The following CHST11 variants were observed in gnomAD, a reference collection of about 807,000 sequenced individuals.
CHST11 encodes the protein carbohydrate sulfotransferase 11.
In CHST11, 9 loss-of-function variants were observed where a neutral mutation model predicts 30.4. The observed-to-expected ratio is 0.30, with a 90% confidence interval of 0.18 to 0.52. CHST11 has a LOEUF of 0.52. Ranked by LOEUF, CHST11 falls within the 20% of genes least tolerant of loss-of-function variation. The pLI is 0.97. For missense variants in CHST11, 348 were observed against 460.6 expected, an observed-to-expected ratio of 0.76 and a Z score of 2.24; for synonymous variants, 152 against 187.8, an observed-to-expected ratio of 0.81 and a Z score of 1.56.
At chr12:104,583,478 A>G (rs930599525) in intron 1 of CHST11, among the ~76,000 whole-genome samples, 4 of 152,056 alleles carry the variant, frequency 2.6e-5, no homozygotes, top group Non-Finnish European at 5.9e-5. Flanking sequence ...CTCTGACCAT[A>G]TTTCAACAAC....
intron 1 of CHST11, among the ~76,000 whole-genome samples, chr12:104,483,368 G>C (rs752734193): frequency 1.4e-4 from 22 of 152,228 alleles, no homozygotes; most frequent in Middle Eastern, 6.8e-3. Context: ...ACCATGCCCG[G>C]CTAATTTTTG....
rs1444343479 is a variant in CHST11, at chr12:104,757,262, A to G, written c.518A>G (p.Asn173Ser). The change falls in exon 3 of 3, where the codon AAC (asparagine) becomes AGC (serine). Residue 173 changes from asparagine (N) to serine (S), a missense_variant. Asn to Ser is a conservative substitution (Grantham distance 46, BLOSUM62 1). This residue lies in a region of CHST11 where 210 missense variants were observed against 287.2 expected (regional missense o/e 0.73). Transcript: ENST00000303694. The surrounding 1 kb of genome is among the most constrained non-coding windows in gnomAD (Gnocchi z 6.5). The stretch of plus-strand genomic sequence containing the variant: ...AACCAGTACAGCATCCCAGAAATCA[A>G]CCACCGCTTGAAAAGCTACATGAAG... ...TLNQYSIPEI[N>S]HRLKSYMKFL... The G allele has an allele frequency of 1.2e-6, 2 of 1,613,934 alleles. No homozygotes were observed. Among genetic ancestry groups the G allele is most frequent in the Admixed American group, 3.3e-5 (2 of 60,008 alleles).
intron 1 of CHST11, among the ~76,000 whole-genome samples, chr12:104,545,248 G>A (rs1369611327): frequency 6.6e-6 from 1 of 152,232 alleles, no homozygotes; most frequent in East Asian, 1.9e-4. Flanking sequence ...TCAGGGAATG[G>A]CCCGTTTGAG....
At chr12:104,587,321 G>C (rs1057437448) in intron 1 of CHST11, among the ~76,000 whole-genome samples, 1 of 152,116 alleles carries the variant, frequency 6.6e-6, no homozygotes, top group East Asian at 1.9e-4. Context: ...AATTTAAATT[G>C]CATCTAAAAT....
intron 2 of CHST11, among the ~76,000 whole-genome samples, chr12:104,648,492 C>G (rs2888828): frequency 0.023 from 3,508 of 152,240 alleles, 101 homozygotes; most frequent in African/African-American, 0.073. Context: ...CTCAGAGACT[C>G]TCATGAAGGC....
chr12:104,495,758 A>G (rs1206096838), intron 1 of CHST11, among the ~76,000 whole-genome samples: 1 of 152,200 alleles, frequency 6.6e-6, no homozygotes, highest in Admixed American at 6.5e-5. Context: ...GAATGTAAGG[A>G]ACTCATACAA....
At chr12:104,588,653 A>G (rs181972251) in intron 1 of CHST11, among the ~76,000 whole-genome samples, 1 of 152,350 alleles carries the variant, frequency 6.6e-6, no homozygotes, top group East Asian at 1.9e-4. Context: ...CATCCCGGTG[A>G]TGTTTGACCT....
At chr12:104,742,456 A>G (rs2136139703) in intron 2 of CHST11, among the ~76,000 whole-genome samples, 1 of 152,236 alleles carries the variant, frequency 6.6e-6, no homozygotes, top group African/African-American at 2.4e-5. Flanking sequence ...GCGACTTCCG[A>G]GGACCCCAAA....
intron 1 of CHST11, among the ~76,000 whole-genome samples, chr12:104,500,433 A>G (rs2037841776): frequency 6.6e-6 from 1 of 152,220 alleles, no homozygotes; most frequent in Non-Finnish European, 1.5e-5. Flanking sequence ...AAAATGAACC[A>G]AGGATACTAG....
chr12:104,648,429 A>T (rs546398022), intron 2 of CHST11, among the ~76,000 whole-genome samples: 31 of 152,274 alleles, frequency 2.0e-4, no homozygotes, highest in African/African-American at 6.5e-4. Context: ...TCCTGAAGGG[A>T]TGGTCATCGT....
chr12:104,541,196 C>T (rs1453949253), intron 1 of CHST11, among the ~76,000 whole-genome samples: 3 of 151,926 alleles, frequency 2.0e-5, no homozygotes, highest in Non-Finnish European at 4.4e-5. Context: ...TCACGCTGTG[C>T]TTCTTTTGTG....
chr12:104,500,248 G>A (rs748320728), intron 1 of CHST11, among the ~76,000 whole-genome samples: 7 of 152,042 alleles, frequency 4.6e-5, no homozygotes, highest in Non-Finnish European at 8.8e-5. Context: ...TTTTATTTTC[G>A]TAACATATAA....
chr12:104,458,527 G>GCGGC lies in CHST11; in HGVS notation c.118+1002_118+1005dup, dbSNP rs2037377963. Among the ~76,000 whole-genome samples the GCGGC allele has an allele frequency of 6.6e-6, 1 of 152,126 alleles. No individual in the cohort carries two copies. Among genetic ancestry groups the GCGGC allele is most frequent in the Admixed American group, 6.5e-5 (1 of 15,280 alleles). ...AGAGGGAGGGGCGCCCTCGAGCGCG[G>GCGGC]CGGCCGGGGGTGAGCAGCTCGGCTG... On this transcript the variant is annotated intron_variant, in intron 1 of 2. Transcript: ENST00000303694. The surrounding 1 kb of genome is among the most constrained non-coding windows in gnomAD (Gnocchi z 5.7).
At chr12:104,509,143 G>A (rs2037937672) in intron 1 of CHST11, among the ~76,000 whole-genome samples, 1 of 152,184 alleles carries the variant, frequency 6.6e-6, no homozygotes, top group Non-Finnish European at 1.5e-5. Context: ...ATGGGGGCAG[G>A]TCTTTCCTGT....
intron 2 of CHST11, among the ~76,000 whole-genome samples, chr12:104,705,231 G>A (rs835495): frequency 0.5 from 76,072 of 151,812 alleles, 19,205 homozygotes; most frequent in African/African-American, 0.57. Context: ...AAGTGGAAGC[G>A]TCATGGCCTG....
chr12:104,651,304 A>G (rs1260344553), intron 2 of CHST11, among the ~76,000 whole-genome samples: 1 of 152,218 alleles, frequency 6.6e-6, no homozygotes, highest in Admixed American at 6.5e-5. Context: ...GAAAAAGTTA[A>G]TATGAGCCAA....
At chr12:104,608,935 T>A (rs2039032393) in intron 2 of CHST11, among the ~76,000 whole-genome samples, 1 of 152,212 alleles carries the variant, frequency 6.6e-6, no homozygotes, top group Non-Finnish European at 1.5e-5. Context: ...AAGGGACCCT[T>A]GAGCCACTTC....
intron 1 of CHST11, among the ~76,000 whole-genome samples, chr12:104,469,734 C>T (rs1412880628): frequency 1.3e-5 from 2 of 152,162 alleles, no homozygotes; most frequent in East Asian, 1.9e-4. Flanking sequence ...CCATTTCCTC[C>T]CTTCTTCACC....
At chr12:104,534,911 G>T (rs1285249561) in intron 1 of CHST11, among the ~76,000 whole-genome samples, 1 of 152,172 alleles carries the variant, frequency 6.6e-6, no homozygotes, top group East Asian at 1.9e-4. Context: ...TTTCTGATTA[G>T]CTATACCAAC....
Sources: allele counts gnomAD v4.1 joint callset (sites outside exome capture counted in the v4.1 genomes callset), GRCh38; gene constraint gnomAD v4.1.1; regional missense constraint gnomAD v4.1.1; non-coding constraint Gnocchi (gnomAD v3.1); transcripts MANE v1.5; gene names NCBI Gene and HGNC (gene_info 2026-07-23, HGNC 2026-07-21).